FUT8: variants seen among roughly 807,000 people sequenced by gnomAD.
FUT8 encodes the protein fucosyltransferase 8.
FUT8 carries 29 observed loss-of-function variants against 71.3 expected under a neutral mutation model. The observed-to-expected ratio is 0.41, with a 90% CI of 0.30 to 0.55. The LOEUF is 0.55. Among genes scored for constraint, FUT8 ranks in the 20% least tolerant of loss-of-function variants. The probability of loss-of-function intolerance (pLI) is 0.34; values close to 1 mark genes in which losing one functional copy is unlikely to be tolerated. For missense variants in FUT8, 544 were observed against 702.1 expected (o/e 0.77, Z 2.55); for synonymous variants, 254 against 239.3 (o/e 1.06, Z -0.57).
chr14:65,669,268 A>G lies in FUT8; in HGVS notation c.623A>G (p.Lys208Arg). 1 of 1,613,712 alleles carries G rather than the reference A, an allele frequency of 6.2e-7. No individual in the cohort carries two copies. The highest frequency in any genetic ancestry group is 8.5e-7 in the Non-Finnish European group (1 of 1,179,856). The change falls in exon 7 of 11, where the codon AAA becomes AGA. Residue 208 changes from lysine to arginine, a missense_variant. Coordinates refer to ENST00000673929, the MANE Select transcript of FUT8 (RefSeq NM_001371533.1). This position sits in a 1 kb window ranked among gnomAD's most constrained non-coding sequence, Gnocchi z 4.5. ...AATCCCAAGGACTGCAGCAAAGCCA[A>G]AAAGCTGGTGTGTAATATCAACAAA... ...LQNPKDCSKA[K>R]KLVCNINKGC...
In FUT8 at chr14:65,692,224, C is replaced by T. The variant is rs1475674437; in HGVS notation, c.835+22744C>T. Among the ~76,000 whole-genome samples, 13 of 149,004 alleles carry T rather than the reference C, an allele frequency of 8.7e-5. No homozygotes were observed. In the East Asian group the frequency reaches 1.6e-3, roughly 19 times the overall value. On this transcript the variant is annotated intron_variant, in intron 7 of 10. Transcript: ENST00000673929. ...CTCCCGGACGGGGCGGCTGGCCAGG[C>T]GGGGGGCTGACCCCCCCACCTCCCT...
rs1297906539 is a variant in FUT8, at chr14:65,595,375, T to C, written c.204-20603T>C. Reference sequence around the variant, plus strand: ...GAACTAAAAATGTTAGCATTTCTTATTTGAGGTGAAATTATAAAGAAAATT... The same window carrying C: ...GAACTAAAAATGTTAGCATTTCTTACTTGAGGTGAAATTATAAAGAAAATT... On this transcript the variant is annotated intron_variant, in intron 3 of 10. Transcript: ENST00000673929. Among the ~76,000 whole-genome samples, 4 of 152,256 alleles carry C rather than the reference T, an allele frequency of 2.6e-5. No homozygotes were observed. In the East Asian group the frequency reaches 7.7e-4, roughly 29 times the overall value.
At chr14:65,399,311 C>T in the FUT8 span, among the ~76,000 whole-genome samples, 1 of 151,898 alleles carries the variant, frequency 6.6e-6, no homozygotes, top group Admixed American at 6.6e-5. Flanking sequence ...AGCGAGACTC[C>T]ATCTAAAAAA....
intron 1 of FUT8, among the ~76,000 whole-genome samples, chr14:65,432,620 C>T (rs571073013): frequency 3.3e-5 from 5 of 152,078 alleles, no homozygotes; most frequent in African/African-American, 9.6e-5. Context: ...GATAGGAGGT[C>T]GGCACAAAAT....
At chr14:65,386,469 C>T in the FUT8 span, among the ~76,000 whole-genome samples, 1 of 145,560 alleles carries the variant, frequency 6.9e-6, no homozygotes, top group Non-Finnish European at 1.5e-5. Flanking sequence ...GCGCCACTAC[C>T]CTCCAGCCTG....
At chr14:65,435,534 G>T (rs1404088139) in intron 1 of FUT8, among the ~76,000 whole-genome samples, 1 of 152,158 alleles carries the variant, frequency 6.6e-6, no homozygotes, top group East Asian at 1.9e-4. Context: ...CTTATTGCTG[G>T]TTTTTGGCAA....
intron 1 of FUT8, among the ~76,000 whole-genome samples, chr14:65,449,406 G>A (rs1031357171): frequency 1.3e-5 from 2 of 152,100 alleles, no homozygotes; most frequent in East Asian, 3.8e-4. Flanking sequence ...TTGTTAGTAT[G>A]TATCACCTAC....
chr14:65,373,751 T>C, the FUT8 span, among the ~76,000 whole-genome samples: 1 of 152,178 alleles, frequency 6.6e-6, no homozygotes, highest in East Asian at 1.9e-4. Context: ...AGAGAAAAAT[T>C]CTTCCATTCG....
At chr14:65,708,631 G>A (rs564678962) in intron 7 of FUT8, among the ~76,000 whole-genome samples, 4 of 151,968 alleles carry the variant, frequency 2.6e-5, no homozygotes, top group Admixed American at 6.5e-5. Context: ...ATTTCCTTTT[G>A]GAATAGTTTG....
At chr14:65,740,949 G>A (rs1010420410) in intron 10 of FUT8, among the ~76,000 whole-genome samples, 2 of 151,998 alleles carry the variant, frequency 1.3e-5, no homozygotes, top group African/African-American at 4.8e-5. Context: ...CCACTGAGCA[G>A]ATAAGCAATT....
chr14:65,396,916 G>T, the FUT8 span, among the ~76,000 whole-genome samples: 3 of 152,210 alleles, frequency 2.0e-5, no homozygotes, highest in Admixed American at 6.5e-5. This position sits in a 1 kb window ranked among gnomAD's most constrained non-coding sequence, Gnocchi z 5.5. Context: ...CGTGATCATA[G>T]CTCACTGCAG....
At chr14:65,543,985 T>C (rs920857937) in intron 2 of FUT8, among the ~76,000 whole-genome samples, 3 of 152,198 alleles carry the variant, frequency 2.0e-5, no homozygotes, top group Non-Finnish European at 2.9e-5. Flanking sequence ...GCTTTTTTGC[T>C]GTTGAGAAAC....
At chr14:65,557,203 G>C (rs972546412) in intron 2 of FUT8, among the ~76,000 whole-genome samples, 1 of 151,938 alleles carries the variant, frequency 6.6e-6, no homozygotes, top group African/African-American at 2.4e-5. Context: ...TTGTTCCAGA[G>C]ACATTAAACA....
At chr14:65,474,927 A>C (rs776867876) in intron 2 of FUT8, among the ~76,000 whole-genome samples, 2 of 152,204 alleles carry the variant, frequency 1.3e-5, no homozygotes, top group Non-Finnish European at 2.9e-5. Flanking sequence ...GAGCTCAAGC[A>C]GTCCTCCTGC....
intron 6 of FUT8, among the ~76,000 whole-genome samples, chr14:65,648,086 T>A (rs1421380149): frequency 6.6e-6 from 1 of 152,146 alleles, no homozygotes; most frequent in Non-Finnish European, 1.5e-5. Flanking sequence ...CCCAACTGTT[T>A]TTGTAAATAA....
chr14:65,679,027 T>C lies in FUT8; in HGVS notation c.835+9547T>C, dbSNP rs966108473. Reference sequence around the variant, plus strand: ...GAAGCTATTATTTAGTGCATCTAGGTTCTGGCTAGGAATGAACTGGAACAT... The same window carrying C: ...GAAGCTATTATTTAGTGCATCTAGGCTCTGGCTAGGAATGAACTGGAACAT... On this transcript the variant is annotated intron_variant, in intron 7 of 10. Transcript: ENST00000673929. Among the ~76,000 whole-genome samples the C allele has an allele frequency of 3.9e-5, 6 of 152,174 alleles. No individual in the cohort carries two copies. The East Asian group carries it at 1.2e-3, about 29-fold the overall frequency.
chr14:65,559,781 A>T (rs1885804368), intron 2 of FUT8, among the ~76,000 whole-genome samples: 1 of 152,114 alleles, frequency 6.6e-6, no homozygotes, highest in Non-Finnish European at 1.5e-5. Context: ...AGTAGGGGAT[A>T]CCTGAGTTTA....
At chr14:65,506,705 G>A (rs930689920) in intron 2 of FUT8, among the ~76,000 whole-genome samples, 8 of 152,076 alleles carry the variant, frequency 5.3e-5, no homozygotes, top group African/African-American at 1.9e-4. Flanking sequence ...TTTGACACAG[G>A]CGTGCAATGT....
chr14:65,413,564 G>A lies in FUT8; in HGVS notation c.-326+350G>A, dbSNP rs111944405. ...AGGGTTGGGGGCGGGGGTGGGAGGTGTCCGTCGTTTCCCCTCCACACCTAC... is the reference window on the plus strand; with the variant it reads ...AGGGTTGGGGGCGGGGGTGGGAGGTATCCGTCGTTTCCCCTCCACACCTAC... On this transcript the variant is annotated intron_variant, in intron 1 of 10. Transcript: ENST00000673929. The surrounding 1 kb of genome is among the most constrained non-coding windows in gnomAD (Gnocchi z 4.1). 7.2e-5 allele frequency among the ~76,000 whole-genome samples: 11 copies of A among 152,164 alleles called. No homozygotes were observed. Among genetic ancestry groups the A allele is most frequent in the African/African-American group, 2.7e-4 (11 of 41,450 alleles).
Sources: gnomAD v4.1 joint callset for allele counts (sites outside exome capture counted in the v4.1 genomes callset) on GRCh38, gnomAD v4.1.1 for gene constraint, Gnocchi (gnomAD v3.1) non-coding constraint, MANE v1.5 for transcripts, NCBI Gene and HGNC (gene_info 2026-07-23, HGNC 2026-07-21) for gene names.